Variants in STRN3 observed in about 807,000 individuals in gnomAD.
STRN3 encodes the protein striatin 3, also known as striatin-3.
STRN3 carries 29 observed loss-of-function variants against 95.6 expected under a neutral mutation model. That is an observed-to-expected ratio of 0.30 (90% CI 0.23 to 0.41). The LOEUF is 0.41. Among genes scored for constraint, STRN3 ranks in the 10% least tolerant of loss-of-function variants. The pLI is 1.00. For synonymous variants in STRN3, 331 were observed against 357.6 expected, an observed-to-expected ratio of 0.93 and a Z score of 0.84; for missense variants, 890 against 972.1, an observed-to-expected ratio of 0.92 and a Z score of 1.12.
intron 7 of STRN3, among the ~76,000 whole-genome samples, chr14:30,929,977 A>AAACAAAAAAAAAC: frequency 6.7e-6 from 1 of 150,078 alleles, no homozygotes; most frequent in Non-Finnish European, 1.5e-5. Flanking sequence ...AAAAAAAAAA[A>AAACAAAAAAAAAC]AACTCAAATT....
At chr14:30,950,494 GAA>G (rs774197278) in intron 4 of STRN3, among the ~76,000 whole-genome samples, 1 of 152,200 alleles carries the variant, frequency 6.6e-6, no homozygotes, top group African/African-American at 2.4e-5. Flanking sequence ...ATCCACTTCT[GAA>G]AAGTTTCAGA....
At chr14:30,984,246 A>G (rs1389655513) in intron 1 of STRN3, among the ~76,000 whole-genome samples, 3 of 144,442 alleles carry the variant, frequency 2.1e-5, no homozygotes, top group Non-Finnish European at 4.5e-5. Context: ...CAGGCAAAGA[A>G]AGAAAAGGAT....
At chr14:31,020,093 T>C (rs975436622) in intron 1 of STRN3, among the ~76,000 whole-genome samples, 1 of 152,206 alleles carries the variant, frequency 6.6e-6, no homozygotes, top group Non-Finnish European at 1.5e-5. Flanking sequence ...CCAACTGGCA[T>C]GTTCTTTGTA....
In STRN3 at chr14:30,989,120, A is replaced by C. The variant is rs566387531; in HGVS notation, c.283-32878T>G. ...ATGAAAAGGAATTTGAATCATCCAC[A>C]GAAAGTAGTCTGGTCAAGTTCAAGA... On this transcript the variant is annotated intron_variant, in intron 1 of 17. Transcript: ENST00000357479. Among the ~76,000 whole-genome samples, 12 of 152,326 alleles carry C rather than the reference A, an allele frequency of 7.9e-5. No individual in the cohort carries two copies. In the South Asian group the frequency reaches 2.5e-3, roughly 32 times the overall value.
chr14:30,941,382 A>G (rs1162091335), intron 5 of STRN3, among the ~76,000 whole-genome samples: 1 of 152,188 alleles, frequency 6.6e-6, no homozygotes, highest in Non-Finnish European at 1.5e-5. Flanking sequence ...TAAGGGATAA[A>G]AGCTGCCAAC....
At position 31,014,421 on chromosome 14, in the gene STRN3, C is replaced by A. The variant is rs140783723; in HGVS notation, c.282+11483G>T. 2.9e-3 allele frequency among the ~76,000 whole-genome samples: 442 copies of A among 152,126 alleles called. 5 individuals are homozygous for A. The highest frequency in any genetic ancestry group is 0.01 in the African/African-American group (420 of 41,510). On this transcript the variant is annotated intron_variant, in intron 1 of 17. Transcript: ENST00000357479. ...ATTTTTAGTAAAGACGGGGTTTCACCATGTGGGTCAGGCTGTTCTCGAACT... is the reference window on the plus strand; with the variant it reads ...ATTTTTAGTAAAGACGGGGTTTCACAATGTGGGTCAGGCTGTTCTCGAACT...
At chr14:30,956,289 C>A in intron 1 of STRN3, 47 bp from the exon 2 acceptor site, 2 of 1,543,942 alleles carry the variant, frequency 1.3e-6, no homozygotes, top group East Asian at 2.2e-5. Flanking sequence ...CTTAACCATA[C>A]ATAGGAAACT....
intron 1 of STRN3, among the ~76,000 whole-genome samples, chr14:31,014,307 G>A (rs545663112): frequency 2.6e-5 from 4 of 152,026 alleles, no homozygotes; most frequent in Non-Finnish European, 5.9e-5. Flanking sequence ...TGCAACCTCC[G>A]CCTCCCGGGT....
chr14:30,988,392 G>C (rs1447527351), intron 1 of STRN3, among the ~76,000 whole-genome samples: 1 of 152,036 alleles, frequency 6.6e-6, no homozygotes, highest in East Asian at 1.9e-4. Flanking sequence ...CTTTCTGCTA[G>C]CACCACAACC....
At chr14:31,024,154 T>A (rs1883657096) in intron 1 of STRN3, among the ~76,000 whole-genome samples, 2 of 152,180 alleles carry the variant, frequency 1.3e-5, no homozygotes, top group African/African-American at 4.8e-5. Flanking sequence ...GCTGCTTACA[T>A]TAGTGAAGTT....
At chr14:30,949,480 A>G (rs1879532400) in intron 4 of STRN3, among the ~76,000 whole-genome samples, 1 of 152,104 alleles carries the variant, frequency 6.6e-6, no homozygotes, top group Non-Finnish European at 1.5e-5. Context: ...GCATGGTGGC[A>G]TGCACCTGTA....
intron 8 of STRN3, among the ~76,000 whole-genome samples, chr14:30,927,225 A>G (rs993914996): frequency 6.6e-6 from 1 of 152,076 alleles, no homozygotes; most frequent in African/African-American, 2.4e-5. Context: ...AGGTGGGAGG[A>G]TATCTTGAGG....
At chr14:30,932,458 GTTTTCA>G (rs1417287697) in intron 7 of STRN3, 2 of 50,494 alleles carry the variant, frequency 4.0e-5, no homozygotes, top group East Asian at 5.6e-4. Context: ...TCACTTGACA[GTTTTCA>G]TTTCTTACAA....
chr14:30,913,544 C>T lies in STRN3; in HGVS notation c.1354G>A (p.Asp452Asn). The T allele has an allele frequency of 6.2e-7, 1 of 1,612,578 alleles. No homozygotes were observed. ...GDLADLTVTNDADYSYDLPAN... is the reference protein window; with the variant it reads ...GDLADLTVTNNADYSYDLPAN... Reference sequence around the variant, plus strand: ...CTTACATCATAACTATAGTCTGCATCATTTGTTACCGTCAAGTCTGCAAGG... The same window carrying T: ...CTTACATCATAACTATAGTCTGCATTATTTGTTACCGTCAAGTCTGCAAGG... The change falls in exon 10 of 18, where the codon GAT becomes AAT. Residue 452 changes from aspartate to asparagine, a missense_variant. Physicochemically the swap from Asp to Asn is conservative, Grantham distance 23. This residue lies in a region of STRN3 where 357 missense variants were observed against 422.8 expected (regional missense o/e 0.84). Transcript: ENST00000357479.
At chr14:31,024,267 T>C (rs1883666065) in intron 1 of STRN3, among the ~76,000 whole-genome samples, 1 of 152,174 alleles carries the variant, frequency 6.6e-6, no homozygotes, top group Admixed American at 6.6e-5. Flanking sequence ...TGGTGAAGTA[T>C]TATTTAGTGA....
At chr14:30,929,968 A>AAAAAAAAAAAAAC (rs1878438058) in intron 7 of STRN3, among the ~76,000 whole-genome samples, 1 of 121,836 alleles carries the variant, frequency 8.2e-6, no homozygotes, top group Non-Finnish European at 1.9e-5. Flanking sequence ...AAAAAAAAAA[A>AAAAAAAAAAAAAC]AAAAAAAAAA....
chr14:30,990,551 C>A (rs1255240908), intron 1 of STRN3, among the ~76,000 whole-genome samples: 1 of 152,064 alleles, frequency 6.6e-6, no homozygotes, highest in Non-Finnish European at 1.5e-5. Context: ...ATGAAGACCA[C>A]AGAATTTAGG....
chr14:30,984,144 C>CA (rs1881552176), intron 1 of STRN3, among the ~76,000 whole-genome samples: 1 of 139,900 alleles, frequency 7.1e-6, no homozygotes, highest in Non-Finnish European at 1.6e-5. Context: ...CCAACCCCCC[C>CA]CCACACACAA....
intron 1 of STRN3, among the ~76,000 whole-genome samples, chr14:31,005,898 A>G (rs1399003636): frequency 6.6e-6 from 1 of 152,174 alleles, no homozygotes; most frequent in Non-Finnish European, 1.5e-5. Context: ...CGGGTGGATC[A>G]CTTGAGCTCA....
Sources: allele counts gnomAD v4.1 joint callset (sites outside exome capture counted in the v4.1 genomes callset), GRCh38; gene constraint gnomAD v4.1.1; regional missense constraint gnomAD v4.1.1; transcripts MANE v1.5; gene names NCBI Gene and HGNC (gene_info 2026-07-23, HGNC 2026-07-21).